RRP12: variants seen among roughly 807,000 people sequenced by gnomAD.
The protein encoded by RRP12 is RRP12-like protein.
RRP12 carries 78 observed loss-of-function variants against 157.3 expected under a neutral mutation model. The ratio of observed to expected loss-of-function variants is 0.50; its 90% confidence interval spans 0.41 to 0.60. The LOEUF is 0.60. Among genes scored for constraint, RRP12 ranks in the 20% least tolerant of loss-of-function variants. The probability of loss-of-function intolerance (pLI) is 0.00; values close to 1 mark genes in which losing one functional copy is unlikely to be tolerated. For missense variants in RRP12, 1,521 were observed against 1,679.9 expected (o/e 0.91, Z 1.65); for synonymous variants, 726 against 670.9 (o/e 1.08, Z -1.27).
chr10:97,369,587 G>A lies in RRP12; in HGVS notation c.2798-5C>T. ...CTGTACTGGTCCCCATCAGACCTGT[G>A]GCAGTGAGGGGGTCACTGTCTAAGA... On this transcript the variant is annotated splice_region_variant and splice_polypyrimidine_tract_variant and intron_variant, in intron 24 of 33. Coordinates refer to ENST00000370992, the MANE Select transcript of RRP12 (RefSeq NM_015179.4). The A allele has an allele frequency of 6.4e-7, 1 of 1,555,032 alleles. No homozygotes were observed. The highest frequency in any genetic ancestry group is 8.7e-7 in the Non-Finnish European group (1 of 1,148,888).
chr10:97,357,122 T>C lies in RRP12; in HGVS notation c.3866A>G (p.Lys1289Arg), dbSNP rs767038988. 6.2e-7 allele frequency: 1 copy of C among 1,613,206 alleles called. No homozygotes were observed. The highest frequency in any genetic ancestry group is 1.1e-5 in the South Asian group (1 of 91,028). Residue 1289 changes from lysine (K) to arginine (R), a missense_variant, in exon 34 of 34, where the codon AAA becomes AGA. Coordinates refer to ENST00000370992, the MANE Select transcript of RRP12 (RefSeq NM_015179.4). ...AARRGSQVGH[K>R]NRRKDRRP ...GGGTCGACGATCCTTTCTGCGGTTT[T>C]TGTGTCCCACCTGGGAACCTCGCCG...
intron 27 of RRP12, 54 bp downstream of exon 27, chr10:97,366,688 G>GCAGT: frequency 6.2e-7 from 1 of 1,600,464 alleles, no homozygotes; most frequent in Admixed American, 1.7e-5. Flanking sequence ...TATTGCCTGG[G>GCAGT]CAGGCCCTTG....
Position 97,379,702 on chromosome 10 carries a change from T to C in RRP12, c.1602A>G (p.Ala534=). The change falls in exon 14 of 34, where the codon GCA becomes GCG. Residue 534 remains alanine, a synonymous_variant. Coordinates refer to ENST00000370992, the MANE Select transcript of RRP12 (RefSeq NM_015179.4). ...CCATACTGGTCACCGCAGCCCCCACTGCCTGGTCAAGAGCCGCCGTGTGGG... is the reference window on the plus strand; with the variant it reads ...CCATACTGGTCACCGCAGCCCCCACCGCCTGGTCAAGAGCCGCCGTGTGGG... ...HFPHTAALDQ[A]VGAAVTSMGP... 1 of 1,613,952 alleles carries C rather than the reference T, an allele frequency of 6.2e-7. No individual in the cohort carries two copies. The highest frequency in any genetic ancestry group is 8.5e-7 in the Non-Finnish European group (1 of 1,179,968).
intron 31 of RRP12, 42 bp downstream of exon 31, chr10:97,360,504 C>T: frequency 1.3e-6 from 2 of 1,494,702 alleles, no homozygotes; most frequent in Non-Finnish European, 1.9e-6. Context: ...ATGCAGGTGA[C>T]AGGGATCCAT....
intron 24 of RRP12, among the ~76,000 whole-genome samples, 162 bp downstream of exon 24, chr10:97,370,005 C>T (rs1844096457): frequency 6.6e-6 from 1 of 152,168 alleles, no homozygotes; most frequent in South Asian, 2.1e-4. Context: ...CGGGAGGCAG[C>T]GACCCGCAGG....
Position 97,376,116 on chromosome 10 carries a change from A to C in RRP12, c.1799-2222T>G, listed in dbSNP as rs367878148. Among the ~76,000 whole-genome samples, 131 of 151,860 alleles carry C rather than the reference A, an allele frequency of 8.6e-4. 1 individual carries two copies. The highest frequency in any genetic ancestry group is 2.9e-3 in the African/African-American group (121 of 41,396). On this transcript the variant is annotated intron_variant, in intron 15 of 33. Coordinates refer to ENST00000370992, the MANE Select transcript of RRP12 (RefSeq NM_015179.4). ...AGACTCTGTCTCAAAACAAACAAAC[A>C]AACAAACAAACCGACCCAAACAAAG...
chr10:97,392,541 G>A (rs1423383588), intron 4 of RRP12, among the ~76,000 whole-genome samples: 2 of 151,258 alleles, frequency 1.3e-5, no homozygotes, highest in Admixed American at 1.3e-4. Flanking sequence ...TAGAGATCGG[G>A]TTTCACCATG....
At chr10:97,367,713 G>A (rs1385606676) in intron 25 of RRP12, among the ~76,000 whole-genome samples, 1 of 152,182 alleles carries the variant, frequency 6.6e-6, no homozygotes, top group Non-Finnish European at 1.5e-5. Flanking sequence ...CTCCCAAACC[G>A]GCTAGGGGAT....
Position 97,373,841 on chromosome 10 carries a change from G to A in RRP12, c.1852C>T (p.Leu618Phe). 6.2e-7 allele frequency: 1 copy of A among 1,613,924 alleles called. No individual in the cohort carries two copies. Among genetic ancestry groups the A allele is most frequent in the Non-Finnish European group, 8.5e-7 (1 of 1,179,924 alleles). ...CAGCTGACCCTTACCTGCCACTGGA[G>A]TGTGTCGTAGATCTTAGATTCCACT... Reference protein sequence around the residue: ...STVESKIYDTLQWQMWTLLPG... With the variant: ...STVESKIYDTFQWQMWTLLPG... Residue 618 changes from leucine to phenylalanine, a missense_variant, in exon 16 of 34, where the codon CTC becomes TTC. Transcript: ENST00000370992.
In RRP12 at chr10:97,357,088, T is replaced by C. The variant is rs771851759; in HGVS notation, c.*6A>G. The stretch of plus-strand genomic sequence containing the variant: ...GGACCACAGGGCAGCCCAGGGGCCC[T>C]GGGCCTCAGGGTCGACGATCCTTTC... On this transcript the variant is annotated 3_prime_UTR_variant, in exon 34 of 34. Coordinates refer to ENST00000370992, the MANE Select transcript of RRP12 (RefSeq NM_015179.4). The C allele has an allele frequency of 1.3e-6, 2 of 1,596,166 alleles. No individual in the cohort carries two copies. Among genetic ancestry groups the C allele is most frequent in the Non-Finnish European group, 1.7e-6 (2 of 1,164,426 alleles).
At position 97,357,088 on chromosome 10, in the gene RRP12, T is replaced by A. The variant is rs771851759; in HGVS notation, c.*6A>T. The A allele has an allele frequency of 6.3e-7, 1 of 1,596,048 alleles. No individual in the cohort carries two copies. Among genetic ancestry groups the A allele is most frequent in the Admixed American group, 1.7e-5 (1 of 59,774 alleles). ...GGACCACAGGGCAGCCCAGGGGCCCTGGGCCTCAGGGTCGACGATCCTTTC... is the reference window on the plus strand; with the variant it reads ...GGACCACAGGGCAGCCCAGGGGCCCAGGGCCTCAGGGTCGACGATCCTTTC... On this transcript the variant is annotated 3_prime_UTR_variant, in exon 34 of 34. Transcript: ENST00000370992.
intron 15 of RRP12, among the ~76,000 whole-genome samples, chr10:97,378,495 G>A (rs1486089712): frequency 6.6e-6 from 1 of 152,128 alleles, no homozygotes; most frequent in Non-Finnish European, 1.5e-5. Context: ...CATCTTATGA[G>A]ACCACCATCA....
chr10:97,378,996 C>A (rs556804559), intron 15 of RRP12, among the ~76,000 whole-genome samples: 1 of 152,376 alleles, frequency 6.6e-6, no homozygotes, highest in Non-Finnish European at 1.5e-5. Context: ...AGGGGCACAG[C>A]TGTTCTCTGT....
chr10:97,357,105 G>C lies in RRP12; in HGVS notation c.3883C>G (p.Arg1295Gly). 1 of 1,610,898 alleles carries C rather than the reference G, an allele frequency of 6.2e-7. No individual in the cohort carries two copies. The highest frequency in any genetic ancestry group is 8.5e-7 in the Non-Finnish European group (1 of 1,177,312). ...QVGHKNRRKDRRP is the reference protein window; with the variant it reads ...QVGHKNRRKDGRP ...AGGGGCCCTGGGCCTCAGGGTCGAC[G>C]ATCCTTTCTGCGGTTTTTGTGTCCC... Residue 1295 changes from arginine to glycine, a missense_variant, in exon 34 of 34, where the codon CGT becomes GGT. Physicochemically the swap from Arg to Gly is moderately radical, Grantham distance 125 (BLOSUM62 -2). Transcript: ENST00000370992.
rs758577532 is a variant in RRP12 at position 97,367,052 on chromosome 10, G to C, written c.3036C>G (p.Ile1012Met). The C allele has an allele frequency of 1.9e-6, 3 of 1,614,076 alleles. No homozygotes were observed. In the African/African-American group the frequency reaches 4.0e-5, roughly 22 times the overall value. Residue 1012 changes from isoleucine (I) to methionine (M), a missense_variant, in exon 26 of 34, where the codon ATC (isoleucine) becomes ATG (methionine). Ile to Met is a conservative substitution (Grantham distance 10). Coordinates refer to ENST00000370992, the MANE Select transcript of RRP12 (RefSeq NM_015179.4). ...CTCAGTGCACAGACCCAAACTTGCG[G>C]ATGAACTTGGTGAACAGGTTCCGAA... ...MKLRNLFTKF[I>M]RKFGFELVKR...
intron 8 of RRP12, 102 bp downstream of exon 8, chr10:97,388,150 C>A: frequency 1.3e-6 from 2 of 1,491,484 alleles, no homozygotes; most frequent in Non-Finnish European, 9.2e-7. Flanking sequence ...AGAACACAGT[C>A]AGGGAGGGAG....
At position 97,373,624 on chromosome 10, in the gene RRP12, G is replaced by A. The variant is rs370174382; in HGVS notation, c.1977C>T (p.Val659=). 6.1e-5 allele frequency: 99 copies of A among 1,612,840 alleles called. No individual in the cohort carries two copies. Among genetic ancestry groups the A allele is most frequent in the Admixed American group, 8.3e-5 (5 of 59,932 alleles). Residue 659 remains valine, a synonymous_variant, in exon 17 of 34, where the codon GTC becomes GTT. Transcript: ENST00000370992. The stretch of plus-strand genomic sequence containing the variant: ...GGGTGCGCAGGGCCTGGCACACGGT[G>A]ACCCTCAGGTCTGGACGCTCGCTGA... ...MAISERPDLR[V]TVCQALRTLI...
intron 15 of RRP12, among the ~76,000 whole-genome samples, chr10:97,376,838 A>G (rs960478892): frequency 4.0e-5 from 6 of 151,310 alleles, no homozygotes; most frequent in African/African-American, 1.5e-4. Context: ...GTGCAAAAGG[A>G]CCAGTACTTT....
intron 20 of RRP12, chr10:97,371,855 C>A (rs769643218): frequency 1.7e-5 from 8 of 480,708 alleles, no homozygotes; most frequent in African/African-American, 3.8e-5. Flanking sequence ...TCACTCAGCA[C>A]GCAAGGCCTA....
Sources: gnomAD v4.1 joint callset for allele counts (sites outside exome capture counted in the v4.1 genomes callset) on GRCh38, gnomAD v4.1.1 for gene constraint, MANE v1.5 for transcripts, NCBI Gene and HGNC (gene_info 2026-07-23, HGNC 2026-07-21) for gene names.